The following MALRD1 variants were observed in gnomAD, a reference collection of about 807,000 sequenced individuals.
MALRD1 encodes the protein MAM and LDL receptor class A domain containing 1.
A neutral mutation model predicts 242.1 loss-of-function variants in MALRD1; 247 were observed. The observed-to-expected ratio is 1.02, with a 90% CI of 0.92 to 1.13. The LOEUF is 1.13. MALRD1 is among the 50% of genes most tolerant of loss of function. The probability of loss-of-function intolerance (pLI) is 0.00; values close to 1 mark genes in which losing one functional copy is unlikely to be tolerated. For synonymous variants in MALRD1, 995 were observed against 866.6 expected (o/e 1.15, Z -2.60); for missense variants, 2,989 against 2,533.1 (o/e 1.18, Z -3.86).
intron 36 of MALRD1, among the ~76,000 whole-genome samples, chr10:19,628,217 G>T (rs1839758873): frequency 6.6e-6 from 1 of 151,956 alleles, no homozygotes; most frequent in Non-Finnish European, 1.5e-5. Flanking sequence ...TATACAACAT[G>T]GAGAAAAATA....
intron 33 of MALRD1, among the ~76,000 whole-genome samples, chr10:19,580,906 C>T (rs913243818): frequency 6.6e-6 from 1 of 152,162 alleles, no homozygotes; most frequent in East Asian, 1.9e-4. Flanking sequence ...CCACGCATGC[C>T]AGGACTCTCT....
At chr10:19,537,069 C>T (rs1051594331) in intron 32 of MALRD1, among the ~76,000 whole-genome samples, 4 of 152,212 alleles carry the variant, frequency 2.6e-5, no homozygotes, top group South Asian at 2.1e-4. Flanking sequence ...CGAGGGCTGG[C>T]ATAGCTGGAA....
intron 38 of MALRD1, among the ~76,000 whole-genome samples, chr10:19,703,293 C>G: frequency 6.6e-6 from 1 of 152,274 alleles, no homozygotes; most frequent in Middle Eastern, 3.4e-3. Flanking sequence ...GGTGTATTTC[C>G]TCTGCTTCCT....
chr10:19,293,334 T>A (rs1841539113), intron 21 of MALRD1, among the ~76,000 whole-genome samples: 1 of 152,230 alleles, frequency 6.6e-6, no homozygotes, highest in South Asian at 2.1e-4. Flanking sequence ...TTCTTTTAAC[T>A]GTTTTGATAC....
chr10:19,658,122 T>G (rs1188806943), intron 36 of MALRD1, among the ~76,000 whole-genome samples: 2 of 151,960 alleles, frequency 1.3e-5, no homozygotes, highest in Non-Finnish European at 2.9e-5. Context: ...CACTCCAGCC[T>G]GGGCAACAAG....
chr10:19,699,490 C>T (rs558824022), intron 38 of MALRD1, among the ~76,000 whole-genome samples: 16 of 152,066 alleles, frequency 1.1e-4, no homozygotes, highest in Non-Finnish European at 2.1e-4. Flanking sequence ...TGATGCCCTT[C>T]CTGGAGAGGG....
intron 26 of MALRD1, among the ~76,000 whole-genome samples, chr10:19,359,519 A>G (rs1435062137): frequency 6.6e-6 from 1 of 152,096 alleles, no homozygotes; most frequent in Non-Finnish European, 1.5e-5. Context: ...ACAGCATTAG[A>G]TGCACTGTGG....
intron 1 of MALRD1, among the ~76,000 whole-genome samples, chr10:19,054,882 A>G (rs1411832818): frequency 6.6e-6 from 1 of 152,180 alleles, no homozygotes; most frequent in Non-Finnish European, 1.5e-5. Context: ...TATCCCTTCA[A>G]TAAACTGATT....
At chr10:19,699,257 G>A (rs892142404) in intron 38 of MALRD1, among the ~76,000 whole-genome samples, 6 of 146,300 alleles carry the variant, frequency 4.1e-5, no homozygotes, top group Non-Finnish European at 6.0e-5. Flanking sequence ...TACCTGGGAA[G>A]GGAGAAAATT....
intron 30 of MALRD1, among the ~76,000 whole-genome samples, chr10:19,495,261 GCCA>G (rs1211070886): frequency 4.0e-5 from 6 of 151,848 alleles, no homozygotes; most frequent in African/African-American, 1.5e-4. Context: ...ACAGGTATGA[GCCA>G]CCACACCTGG....
intron 35 of MALRD1, among the ~76,000 whole-genome samples, chr10:19,608,475 T>C (rs1350028408): frequency 6.6e-6 from 1 of 152,080 alleles, no homozygotes; most frequent in East Asian, 1.9e-4. Context: ...TAATTTATTG[T>C]AGCCCTTTGT....
At chr10:19,306,615 A>G (rs759266934) in intron 21 of MALRD1, among the ~76,000 whole-genome samples, 4 of 150,266 alleles carry the variant, frequency 2.7e-5, no homozygotes, top group Non-Finnish European at 4.4e-5. Flanking sequence ...GTATATATAT[A>G]TGTACTTAAA....
intron 36 of MALRD1, among the ~76,000 whole-genome samples, chr10:19,660,417 C>A (rs1841374458): frequency 6.6e-6 from 1 of 152,142 alleles, no homozygotes; most frequent in Non-Finnish European, 1.5e-5. Flanking sequence ...CTACTGCCTT[C>A]CTGGACCTTA....
At chr10:19,131,075 C>T (rs1443892678) in intron 8 of MALRD1, among the ~76,000 whole-genome samples, 3 of 152,066 alleles carry the variant, frequency 2.0e-5, no homozygotes, top group African/African-American at 7.2e-5. Context: ...ACACTATTTG[C>T]TATCCTCTAT....
chr10:19,109,789 G>A (rs565201751), intron 5 of MALRD1, among the ~76,000 whole-genome samples: 1 of 152,322 alleles, frequency 6.6e-6, no homozygotes, highest in East Asian at 1.9e-4. Context: ...GTAGATATGG[G>A]AAGAGAAGGC....
chr10:19,521,442 A>G (rs1833879244), intron 31 of MALRD1, among the ~76,000 whole-genome samples: 1 of 152,064 alleles, frequency 6.6e-6, no homozygotes, highest in Admixed American at 6.6e-5. Flanking sequence ...TCTAATGATT[A>G]TTGTTTTCGT....
intron 21 of MALRD1, among the ~76,000 whole-genome samples, chr10:19,285,863 T>C (rs1295916260): frequency 3.0e-5 from 3 of 100,458 alleles, no homozygotes; most frequent in African/African-American, 8.3e-5. Context: ...ATTTTCACAA[T>C]ATTGATTCTT....
At chr10:19,227,013 G>T (rs1048099559) in intron 18 of MALRD1, among the ~76,000 whole-genome samples, 1 of 151,914 alleles carries the variant, frequency 6.6e-6, no homozygotes, top group Admixed American at 6.6e-5. Context: ...AATTGAATAG[G>T]TAGAAATATG....
intron 25 of MALRD1, among the ~76,000 whole-genome samples, chr10:19,350,261 TTC>T (rs1287983849): frequency 1.7e-5 from 2 of 117,040 alleles, no homozygotes; most frequent in Non-Finnish European, 3.7e-5. Context: ...TAATGATTTT[TTC>T]TTTTTTTCTT....
Sources: gnomAD v4.1 joint callset for allele counts (sites outside exome capture counted in the v4.1 genomes callset) on GRCh38, gnomAD v4.1.1 for gene constraint, MANE v1.5 for transcripts, NCBI Gene and HGNC (gene_info 2026-07-23, HGNC 2026-07-21) for gene names.